Variants in EDA observed in about 807,000 individuals in gnomAD.
The protein encoded by EDA is ectodysplasin-A.
A neutral mutation model predicts 23.6 loss-of-function variants in EDA; 2 were observed. The ratio of observed to expected loss-of-function variants is 0.08; its 90% confidence interval spans 0.03 to 0.27. EDA has a LOEUF of 0.27. Ranked by LOEUF, EDA falls within the 10% of genes least tolerant of loss-of-function variation. The pLI, the probability that EDA is intolerant of heterozygous loss-of-function variation, is 1.00. For missense variants in EDA, 229 were observed against 324.2 expected, an observed-to-expected ratio of 0.71 and a Z score of 2.26; for synonymous variants, 131 against 132.0, an observed-to-expected ratio of 0.99 and a Z score of 0.05.
At chrX:69,950,179 G>A (rs1305918557) in intron 1 of EDA, among the ~76,000 whole-genome samples, 248 of 57,152 alleles carry the variant, frequency 4.3e-3, no homozygotes, top group Admixed American at 5.2e-3. Flanking sequence ...GAAAATTTTC[G>A]CAACCTACTC....
intron 1 of EDA, among the ~76,000 whole-genome samples, chrX:69,807,772 G>A (rs1366393351): frequency 9.0e-6 from 1 of 110,533 alleles, no homozygotes; most frequent in Non-Finnish European, 1.9e-5. Context: ...CCATCTGATC[G>A]CTAACAGAAT....
intron 1 of EDA, among the ~76,000 whole-genome samples, chrX:69,770,152 T>A (rs906245078): frequency 9.8e-5 from 11 of 112,289 alleles, no homozygotes; most frequent in Non-Finnish European, 2.1e-4. Flanking sequence ...AGGACATTGA[T>A]CTATTTCCAG....
intron 2 of EDA, among the ~76,000 whole-genome samples, chrX:69,977,599 T>C (rs1370621411): frequency 8.9e-6 from 1 of 112,312 alleles, no homozygotes; most frequent in East Asian, 2.8e-4. Context: ...TCTTCAAAGA[T>C]CACACAAAAA....
At chrX:69,946,254 A>G (rs2018832170) in intron 1 of EDA, among the ~76,000 whole-genome samples, 1 of 111,465 alleles carries the variant, frequency 9.0e-6, no homozygotes, top group African/African-American at 3.3e-5. Flanking sequence ...CTCTTCTTTG[A>G]ATTCAATCTG....
intron 6 of EDA, 101 bp from the exon 7 acceptor site, chrX:70,033,297 C>T (rs1002089159): frequency 3.0e-5 from 33 of 1,100,814 alleles, no homozygotes; most frequent in Non-Finnish European, 3.9e-5. Context: ...ACCCTGGTTG[C>T]ACTGGGATAG....
intron 1 of EDA, among the ~76,000 whole-genome samples, chrX:69,916,396 CTTTTTTTTTTTTT>C (rs782071176): frequency 8.6e-5 from 5 of 58,151 alleles, no homozygotes; most frequent in African/African-American, 3.0e-4. Context: ...CTCTACTGTT[CTTTTTTTTTTTTT>C]TTTTTTTTTT....
At chrX:70,032,183 C>T (rs984103901) in intron 6 of EDA, among the ~76,000 whole-genome samples, 7 of 109,633 alleles carry the variant, frequency 6.4e-5, no homozygotes, top group Middle Eastern at 4.2e-3. Context: ...CACTTGAACC[C>T]GGGAGGTGGA....
chrX:69,844,015 C>T (rs2016954628), intron 1 of EDA, among the ~76,000 whole-genome samples: 1 of 51,783 alleles, frequency 1.9e-5, no homozygotes, highest in Non-Finnish European at 3.6e-5. Context: ...GAGCAAGACT[C>T]TGTCTCAAAA....
At chrX:69,761,530 T>C (rs867838510) in intron 1 of EDA, among the ~76,000 whole-genome samples, 1 of 112,016 alleles carries the variant, frequency 8.9e-6, no homozygotes, top group Non-Finnish European at 1.9e-5. Context: ...GCCTTGTTTT[T>C]CCCCCACTGT....
chrX:69,758,478 C>T (rs1044448523), intron 1 of EDA, among the ~76,000 whole-genome samples: 2 of 112,120 alleles, frequency 1.8e-5, no homozygotes, highest in African/African-American at 6.5e-5. Context: ...ATTTGGGCTG[C>T]CCTGGGAACA....
intron 4 of EDA, 40 bp from the exon 5 acceptor site, chrX:70,029,464 A>T: frequency 8.3e-7 from 1 of 1,208,274 alleles, no homozygotes; most frequent in Non-Finnish European, 1.1e-6. Context: ...AAAGGAAGTC[A>T]AAAGATTATG....
At chrX:69,690,291 C>T (rs1015689159) in intron 1 of EDA, among the ~76,000 whole-genome samples, 2 of 111,291 alleles carry the variant, frequency 1.8e-5, no homozygotes, top group Non-Finnish European at 3.8e-5. Context: ...TTCCTAGGTA[C>T]CCCTTAATGT....
At chrX:69,868,011 T>G (rs2017512777) in intron 1 of EDA, among the ~76,000 whole-genome samples, 2 of 111,768 alleles carry the variant, frequency 1.8e-5, no homozygotes, top group Middle Eastern at 9.1e-3. Context: ...AAAAGCCCAG[T>G]CTCTCTGGCC....
intron 1 of EDA, among the ~76,000 whole-genome samples, chrX:69,749,920 TTC>T (rs1491012404): frequency 0.014 from 3 of 217 alleles, no homozygotes; most frequent in Non-Finnish European, 0.014. Flanking sequence ...CTCACTAAGG[TTC>T]TTTTTTTTTT....
intron 2 of EDA, among the ~76,000 whole-genome samples, chrX:69,961,511 G>T (rs780887182): frequency 1.8e-5 from 2 of 111,557 alleles, no homozygotes; most frequent in Non-Finnish European, 1.9e-5. Context: ...AGTCTATCTT[G>T]CCTTTTAAAA....
chrX:69,839,051 A>C (rs1700408313), intron 1 of EDA, among the ~76,000 whole-genome samples: 1 of 112,436 alleles, frequency 8.9e-6, no homozygotes, highest in Non-Finnish European at 1.9e-5. Context: ...CAGCATTTTA[A>C]ATGAGATGTA....
chrX:69,854,278 C>T (rs1279528780), intron 1 of EDA, among the ~76,000 whole-genome samples: 2 of 111,125 alleles, frequency 1.8e-5, no homozygotes, highest in Admixed American at 9.6e-5. Flanking sequence ...AATGCAGCCT[C>T]TGCCTCCTGG....
chrX:69,703,083 G>A (rs1228654043), intron 1 of EDA, among the ~76,000 whole-genome samples: 1 of 110,823 alleles, frequency 9.0e-6, no homozygotes, highest in Admixed American at 9.6e-5. Context: ...GTAGGGAGAC[G>A]ATAAAAGGAG....
At chrX:69,756,766 A>G (rs995011203) in intron 1 of EDA, 1 of 111,884 alleles carries the variant, frequency 8.9e-6, no homozygotes. Flanking sequence ...GCTGACTGCA[A>G]TGGACTACAT....
Sources: gnomAD v4.1 joint callset for allele counts (sites outside exome capture counted in the v4.1 genomes callset) on GRCh38, gnomAD v4.1.1 for gene constraint, MANE v1.5 for transcripts, NCBI Gene and HGNC (gene_info 2026-07-23, HGNC 2026-07-21) for gene names.